Variants in FSTL5 observed in about 807,000 individuals in gnomAD.
FSTL5 encodes follistatin-related protein 5.
A neutral mutation model predicts 89.1 loss-of-function variants in FSTL5; 62 were observed. That is an observed-to-expected ratio of 0.70 (90% CI 0.57 to 0.86). The LOEUF (loss-of-function observed/expected upper bound fraction) is 0.86, where lower values mean the gene tolerates loss of function less well. Among genes scored for constraint, FSTL5 ranks in the 40% least tolerant of loss-of-function variants. The pLI, the probability that FSTL5 is intolerant of heterozygous loss-of-function variation, is 0.00. For synonymous variants in FSTL5, 383 were observed against 346.2 expected, an observed-to-expected ratio of 1.11 and a Z score of -1.18; for missense variants, 1,057 against 1,001.6, an observed-to-expected ratio of 1.06 and a Z score of -0.75.
At chr4:161,899,519 A>G (rs17458621) in intron 4 of FSTL5, among the ~76,000 whole-genome samples, 8,721 of 152,296 alleles carry the variant, frequency 0.057, 320 homozygotes, top group Non-Finnish European at 0.092. Context: ...TCTTCTGCCA[A>G]TCTTAGTGAA....
intron 4 of FSTL5, among the ~76,000 whole-genome samples, chr4:161,873,116 G>A (rs1238132303): frequency 2.0e-5 from 3 of 152,136 alleles, no homozygotes; most frequent in African/African-American, 7.2e-5. Context: ...ACTGTTAAGA[G>A]GCAAAAGATA....
chr4:161,982,332 T>G (rs1735848088), intron 3 of FSTL5, among the ~76,000 whole-genome samples: 1 of 152,192 alleles, frequency 6.6e-6, no homozygotes, highest in Non-Finnish European at 1.5e-5. Context: ...GCCAACAGTA[T>G]TCATAGGAAA....
intron 6 of FSTL5, among the ~76,000 whole-genome samples, chr4:161,751,985 G>C (rs2126782562): frequency 6.6e-6 from 1 of 152,220 alleles, no homozygotes; most frequent in South Asian, 2.1e-4. Context: ...CCAAATCAAG[G>C]TAAGCTTAGA....
chr4:161,643,256 C>T (rs1736030737), intron 7 of FSTL5, among the ~76,000 whole-genome samples: 1 of 152,118 alleles, frequency 6.6e-6, no homozygotes, highest in South Asian at 2.1e-4. Context: ...TAAGAAGAGA[C>T]TTTGAACTTC....
chr4:161,398,374 T>C (rs1024879618), intron 15 of FSTL5, among the ~76,000 whole-genome samples: 8 of 152,106 alleles, frequency 5.3e-5, no homozygotes, highest in African/African-American at 1.9e-4. Flanking sequence ...AAATTATTCA[T>C]TTTAAATTGA....
intron 2 of FSTL5, among the ~76,000 whole-genome samples, chr4:162,085,524 T>C (rs28669778): frequency 0.32 from 13,366 of 41,386 alleles, 1,009 homozygotes; most frequent in African/African-American, 0.48. Context: ...TATGTGTGTA[T>C]ACATGTTTGC....
At chr4:161,876,893 T>G (rs1312376563) in intron 4 of FSTL5, among the ~76,000 whole-genome samples, 1 of 152,090 alleles carries the variant, frequency 6.6e-6, no homozygotes, top group Non-Finnish European at 1.5e-5. Context: ...TATTAAAAAT[T>G]ACTATGATAG....
At chr4:161,544,410 T>C (rs1162385747) in intron 8 of FSTL5, among the ~76,000 whole-genome samples, 1 of 152,048 alleles carries the variant, frequency 6.6e-6, no homozygotes, top group Non-Finnish European at 1.5e-5. Context: ...TTAATCCATT[T>C]ATAAAACGTT....
chr4:161,619,619 C>G (rs1735036818), intron 7 of FSTL5, among the ~76,000 whole-genome samples: 2 of 152,268 alleles, frequency 1.3e-5, no homozygotes, highest in Middle Eastern at 3.4e-3. Context: ...CAGAGAACTG[C>G]AAATCAAAAC....
At chr4:161,984,133 G>T (rs764719934) in intron 3 of FSTL5, among the ~76,000 whole-genome samples, 2 of 151,952 alleles carry the variant, frequency 1.3e-5, no homozygotes, top group Non-Finnish European at 2.9e-5. Context: ...TCTAATGGTT[G>T]CAAAGTGGCT....
intron 7 of FSTL5, among the ~76,000 whole-genome samples, chr4:161,615,292 T>TAAAAAAAAAAAAAA (rs1734814566): frequency 8.8e-5 from 1 of 11,414 alleles, no homozygotes; most frequent in Non-Finnish European, 1.4e-4. Context: ...AGACTCTGTC[T>TAAAAAAAAAAAAAA]CAAAAAAAAA....
intron 4 of FSTL5, among the ~76,000 whole-genome samples, chr4:161,818,291 C>T (rs1730389564): frequency 6.6e-6 from 1 of 152,196 alleles, no homozygotes; most frequent in East Asian, 1.9e-4. Context: ...CTTCCGGCTC[C>T]CCCACCTGCT....
chr4:161,805,590 C>T (rs1462071784), intron 4 of FSTL5, among the ~76,000 whole-genome samples: 1 of 152,084 alleles, frequency 6.6e-6, no homozygotes, highest in Admixed American at 6.6e-5. Context: ...ATGAGGCAAC[C>T]TTGTATCAGC....
chr4:161,836,213 C>A (rs1200987485), intron 4 of FSTL5, among the ~76,000 whole-genome samples: 3 of 146,750 alleles, frequency 2.0e-5, no homozygotes, highest in Non-Finnish European at 4.4e-5. Flanking sequence ...AACAAAAAAA[C>A]AACCACTGCA....
chr4:161,655,882 CAT>C (rs1030465291), intron 7 of FSTL5, among the ~76,000 whole-genome samples: 10 of 152,126 alleles, frequency 6.6e-5, no homozygotes, highest in African/African-American at 2.4e-4. Context: ...TACATGCAAA[CAT>C]ACACTCATCC....
chr4:162,142,571 C>T (rs1386897868), intron 1 of FSTL5, among the ~76,000 whole-genome samples: 2 of 152,060 alleles, frequency 1.3e-5, no homozygotes, highest in Admixed American at 6.6e-5. Context: ...AGTTTAAAGA[C>T]AGTGACAATA....
At chr4:161,902,236 A>C (rs2110797574) in intron 4 of FSTL5, among the ~76,000 whole-genome samples, 1 of 152,312 alleles carries the variant, frequency 6.6e-6, no homozygotes, top group African/African-American at 2.4e-5. Context: ...TATTATACCT[A>C]ATCTATCAAC....
chr4:161,549,059 T>C (rs573568349), intron 8 of FSTL5, among the ~76,000 whole-genome samples: 25 of 151,882 alleles, frequency 1.6e-4, no homozygotes, highest in Middle Eastern at 3.4e-3. Flanking sequence ...AGAATAATAT[T>C]GTTTTTATGA....
At chr4:162,156,510 A>G (rs1399539246) in intron 1 of FSTL5, among the ~76,000 whole-genome samples, 1 of 152,158 alleles carries the variant, frequency 6.6e-6, no homozygotes, top group Non-Finnish European at 1.5e-5. Flanking sequence ...TATCAATGGT[A>G]GATTGGATGA....
Sources: gnomAD v4.1 joint callset for allele counts (sites outside exome capture counted in the v4.1 genomes callset) on GRCh38, gnomAD v4.1.1 for gene constraint, MANE v1.5 for transcripts, NCBI Gene and HGNC (gene_info 2026-07-23, HGNC 2026-07-21) for gene names.